SPOCK3: variants seen among roughly 807,000 people sequenced by gnomAD.
SPOCK3 encodes testican-3.
A neutral mutation model predicts 56.6 loss-of-function variants in SPOCK3; 30 were observed. The ratio of observed to expected loss-of-function variants is 0.53; its 90% CI spans 0.40 to 0.72. SPOCK3 has a LOEUF of 0.72. Among genes scored for constraint, SPOCK3 ranks in the 30% least tolerant of loss-of-function variants. The probability of loss-of-function intolerance (pLI) is 0.00; values close to 1 mark genes in which losing one functional copy is unlikely to be tolerated. For synonymous variants in SPOCK3, 196 were observed against 183.3 expected (o/e 1.07, Z -0.56); for missense variants, 527 against 530.0 (o/e 0.99, Z 0.06).
intron 2 of SPOCK3, among the ~76,000 whole-genome samples, chr4:167,144,677 G>A (rs1330786446): frequency 6.7e-6 from 1 of 149,956 alleles, no homozygotes; most frequent in Non-Finnish European, 1.5e-5. Context: ...AACAGGACAG[G>A]TCCCACTGAA....
chr4:166,948,767 C>T lies in SPOCK3; in HGVS notation c.351-36024G>A, dbSNP rs532183579. Among the ~76,000 whole-genome samples the T allele has an allele frequency of 5.9e-5, 9 of 152,160 alleles. No individual in the cohort carries two copies. The East Asian group carries it at 1.5e-3, about 26-fold the overall frequency. On this transcript the variant is annotated intron_variant, in intron 4 of 10. Transcript: ENST00000357545. Reference sequence around the variant, plus strand: ...GTAACCCGACCTTTCTCTCTGGCTGCCCTTAACATTTTTTCCTTCATTTCA... The same window carrying T: ...GTAACCCGACCTTTCTCTCTGGCTGTCCTTAACATTTTTTCCTTCATTTCA...
chr4:166,761,895 T>TAA lies in SPOCK3; in HGVS notation c.710-7168_710-7167dup, dbSNP rs748340803. Among the ~76,000 whole-genome samples, 892 of 103,450 alleles carry TAA rather than the reference T, an allele frequency of 8.6e-3. 283 individuals carry two copies. The highest frequency in any genetic ancestry group is 0.012 in the Non-Finnish European group (615 of 49,678). 67.9% of individuals were successfully genotyped at this position (103,450 alleles called of 152,430 possible). A position where few individuals can be genotyped will look rare whatever the true frequency, so the allele number is the denominator to read the frequency against. On this transcript the variant is annotated intron_variant, in intron 7 of 10. Coordinates refer to ENST00000357545, the MANE Select transcript of SPOCK3 (RefSeq NM_001040159.2). ...ATGTACCCTAAAACTTAGAGTATAA[T>TAA]AAAAAAAAAAAAAAAAAAAAAAAAA...
At chr4:166,813,886 G>T (rs775715221) in intron 6 of SPOCK3, among the ~76,000 whole-genome samples, 1 of 151,966 alleles carries the variant, frequency 6.6e-6, no homozygotes, top group East Asian at 1.9e-4. Flanking sequence ...AGGCACTAAG[G>T]AGGATAAGGC....
At chr4:167,043,129 C>T (rs927185158) in intron 3 of SPOCK3, among the ~76,000 whole-genome samples, 4 of 151,986 alleles carry the variant, frequency 2.6e-5, no homozygotes, top group Non-Finnish European at 5.9e-5. Context: ...TCTTTCATTC[C>T]TCTGTGGCTT....
Position 166,845,852 on chromosome 4 carries a change from T to C in SPOCK3, c.589+43278A>G, listed in dbSNP as rs933515763. On this transcript the variant is annotated intron_variant, in intron 6 of 10. Coordinates refer to ENST00000357545, the MANE Select transcript of SPOCK3 (RefSeq NM_001040159.2). The stretch of plus-strand genomic sequence containing the variant: ...AATTATGGGAATAGGTTATGAGAAA[T>C]GCATCCTGAGGTGACTTGGTCCTTT... 3.3e-5 allele frequency among the ~76,000 whole-genome samples: 5 copies of C among 152,282 alleles called. 1 individual carries two copies. In the Middle Eastern group the frequency reaches 0.017, roughly 518 times the overall value.
chr4:167,116,899 TTG>T (rs113398017), intron 2 of SPOCK3, among the ~76,000 whole-genome samples: 27,296 of 126,740 alleles, frequency 0.22, 4,209 homozygotes, highest in African/African-American at 0.41. Flanking sequence ...ATATATACTT[TTG>T]TGTGTGTGTG....
At chr4:167,158,503 G>T (rs1765004409) in intron 2 of SPOCK3, among the ~76,000 whole-genome samples, 1 of 151,914 alleles carries the variant, frequency 6.6e-6, no homozygotes, top group Non-Finnish European at 1.5e-5. Flanking sequence ...GTCAGGATTT[G>T]TTATTATACA....
At chr4:167,148,694 A>T (rs938072158) in intron 2 of SPOCK3, among the ~76,000 whole-genome samples, 12 of 152,242 alleles carry the variant, frequency 7.9e-5, no homozygotes, top group African/African-American at 2.6e-4. Context: ...GCCCTTAGGG[A>T]CATATGCAAT....
intron 8 of SPOCK3, among the ~76,000 whole-genome samples, chr4:166,747,251 C>G (rs1048524047): frequency 6.6e-6 from 1 of 152,128 alleles, no homozygotes; most frequent in African/African-American, 2.4e-5. Context: ...TACTGGCAAA[C>G]CGAATCCAGC....
chr4:166,956,397 C>A (rs1743480998), intron 4 of SPOCK3, among the ~76,000 whole-genome samples: 1 of 152,066 alleles, frequency 6.6e-6, no homozygotes, highest in African/African-American at 2.4e-5. Flanking sequence ...ATAAGGGTTA[C>A]TTGAACACAC....
chr4:166,946,644 T>C (rs941946997), intron 4 of SPOCK3, among the ~76,000 whole-genome samples: 1 of 152,326 alleles, frequency 6.6e-6, no homozygotes, highest in Non-Finnish European at 1.5e-5. Flanking sequence ...GGCCCTGCCC[T>C]GTCTCTTTGG....
intron 6 of SPOCK3, among the ~76,000 whole-genome samples, chr4:166,794,393 C>T (rs1200059769): frequency 2.6e-5 from 4 of 151,834 alleles, no homozygotes; most frequent in African/African-American, 7.3e-5. Flanking sequence ...CTTGTGTAAG[C>T]GTCACATATC....
rs1014832586 is a variant in SPOCK3, at chr4:167,182,790, C to T, written c.189+51195G>A. On this transcript the variant is annotated intron_variant, in intron 2 of 10. Coordinates refer to ENST00000357545, the MANE Select transcript of SPOCK3 (RefSeq NM_001040159.2). Reference sequence around the variant, plus strand: ...TCACCTCATGATCTGCCCGCCTCAGCCTCCCAAAGTGCTGGGATTACAGGC... The same window carrying T: ...TCACCTCATGATCTGCCCGCCTCAGTCTCCCAAAGTGCTGGGATTACAGGC... Among the ~76,000 whole-genome samples, 7 of 152,274 alleles carry T rather than the reference C, an allele frequency of 4.6e-5. No individual in the cohort carries two copies. In the East Asian group the frequency reaches 1.4e-3, roughly 29 times the overall value.
chr4:166,927,067 A>G (rs1213471940), intron 4 of SPOCK3, among the ~76,000 whole-genome samples: 1 of 152,224 alleles, frequency 6.6e-6, no homozygotes, highest in Non-Finnish European at 1.5e-5. Context: ...TATGACAGAA[A>G]ACCTAATATG....
At chr4:167,141,747 G>C (rs1181258493) in intron 2 of SPOCK3, among the ~76,000 whole-genome samples, 2 of 151,898 alleles carry the variant, frequency 1.3e-5, no homozygotes, top group Non-Finnish European at 2.9e-5. Flanking sequence ...CTGAATAAAA[G>C]TACAGGATAC....
intron 2 of SPOCK3, among the ~76,000 whole-genome samples, chr4:167,084,108 T>A (rs2150295927): frequency 6.6e-6 from 1 of 152,240 alleles, no homozygotes; most frequent in South Asian, 2.1e-4. Flanking sequence ...TTTATGAGAA[T>A]ATGTGTTGCT....
At chr4:167,178,031 GC>G (rs1166624989) in intron 2 of SPOCK3, among the ~76,000 whole-genome samples, 3 of 152,150 alleles carry the variant, frequency 2.0e-5, no homozygotes, top group Non-Finnish European at 4.4e-5. Context: ...TCAGCTATGT[GC>G]AAAGCAGGAA....
intron 6 of SPOCK3, among the ~76,000 whole-genome samples, chr4:166,881,434 A>G (rs886279290): frequency 3.3e-5 from 5 of 152,010 alleles, no homozygotes; most frequent in Non-Finnish European, 7.4e-5. Flanking sequence ...CTTTACTTCA[A>G]CTAACTTACT....
intron 2 of SPOCK3, among the ~76,000 whole-genome samples, chr4:167,171,602 T>C (rs1470780205): frequency 6.6e-6 from 1 of 152,132 alleles, no homozygotes; most frequent in African/African-American, 2.4e-5. Context: ...TAAATGTTCG[T>C]TTGAGAAAAC....
Sources: gnomAD v4.1 joint callset for allele counts (sites outside exome capture counted in the v4.1 genomes callset) on GRCh38, gnomAD v4.1.1 for gene constraint, MANE v1.5 for transcripts, NCBI Gene and HGNC (gene_info 2026-07-23, HGNC 2026-07-21) for gene names.